The following AHCYL2 variants were observed in gnomAD, a reference collection of about 807,000 sequenced individuals.
The protein encoded by AHCYL2 is S-adenosylhomocysteine hydrolase-like protein 2.
Under a neutral mutation model 81.4 loss-of-function variants are expected in AHCYL2, and 28 were observed. That is an observed-to-expected ratio of 0.34 (90% CI 0.25 to 0.47). AHCYL2 has a LOEUF of 0.47. Ranked by LOEUF, AHCYL2 falls within the 20% of genes least tolerant of loss-of-function variation. The probability of loss-of-function intolerance (pLI) is 1.00; values close to 1 mark genes in which losing one functional copy is unlikely to be tolerated. For synonymous variants in AHCYL2, 272 were observed against 290.2 expected, an observed-to-expected ratio of 0.94 and a Z score of 0.64; for missense variants, 551 against 785.1, an observed-to-expected ratio of 0.70 and a Z score of 3.56.
chr7:129,227,013 T>G (rs941888965), intron 1 of AHCYL2, among the ~76,000 whole-genome samples: 1 of 152,236 alleles, frequency 6.6e-6, no homozygotes, highest in Non-Finnish European at 1.5e-5. Context: ...TTTAACAAAT[T>G]GCTTTTAGAG....
At chr7:129,296,371 A>G (rs909787719) in intron 1 of AHCYL2, among the ~76,000 whole-genome samples, 1 of 152,202 alleles carries the variant, frequency 6.6e-6, no homozygotes, top group African/African-American at 2.4e-5. Context: ...CAGGGGAAGA[A>G]AGACAAAATT....
In AHCYL2 at chr7:129,406,476, T is replaced by A. The variant is rs1409031692; in HGVS notation, c.1295+10T>A. The A allele has an allele frequency of 6.2e-7, 1 of 1,612,924 alleles. No homozygotes were observed. Among genetic ancestry groups the A allele is most frequent in the South Asian group, 1.1e-5 (1 of 91,022 alleles). Reference sequence around the variant, plus strand: ...GTGCCCTGCAAGCCTGGTAAGCCTCTACGCTACCATCTCACTTGCAATCTC... The same window carrying A: ...GTGCCCTGCAAGCCTGGTAAGCCTCAACGCTACCATCTCACTTGCAATCTC... On this transcript the variant is annotated intron_variant, in intron 10 of 16. Transcript: ENST00000325006. The surrounding 1 kb of genome is among the most constrained non-coding windows in gnomAD (Gnocchi z 4.3).
chr7:129,353,327 T>C (rs1439992400), intron 1 of AHCYL2, among the ~76,000 whole-genome samples: 1 of 152,196 alleles, frequency 6.6e-6, no homozygotes, highest in Non-Finnish European at 1.5e-5. Context: ...GTAATCTTTC[T>C]ATTCCTTAAA....
At chr7:129,364,682 T>G (rs1003219882) in intron 1 of AHCYL2, among the ~76,000 whole-genome samples, 2 of 152,208 alleles carry the variant, frequency 1.3e-5, no homozygotes, top group African/African-American at 4.8e-5. Context: ...ACTGAAATAT[T>G]CTAACGGTTG....
intron 5 of AHCYL2, among the ~76,000 whole-genome samples, chr7:129,398,223 C>T (rs912527069): frequency 2.0e-5 from 3 of 151,118 alleles, no homozygotes; most frequent in Non-Finnish European, 4.4e-5. Context: ...GTTGCTCAGG[C>T]TGGTCTCAAA....
chr7:129,356,480 A>G (rs947762906), intron 1 of AHCYL2, among the ~76,000 whole-genome samples: 2 of 152,136 alleles, frequency 1.3e-5, no homozygotes. Flanking sequence ...GGGAACCTCT[A>G]GATGTTAATT....
intron 1 of AHCYL2, among the ~76,000 whole-genome samples, chr7:129,328,641 C>A (rs528940513): frequency 6.6e-6 from 1 of 152,150 alleles, no homozygotes; most frequent in African/African-American, 2.4e-5. Context: ...TGTGCCACTA[C>A]CACCCAACTA....
At chr7:129,322,160 TTTGTTTGTTTGC>T (rs1485188135) in intron 1 of AHCYL2, among the ~76,000 whole-genome samples, 7 of 151,710 alleles carry the variant, frequency 4.6e-5, no homozygotes, top group African/African-American at 1.7e-4. Flanking sequence ...TGTTTGTTTG[TTTGTTTGTTTGC>T]CCTGTTACCC....
intron 12 of AHCYL2, among the ~76,000 whole-genome samples, chr7:129,420,672 G>T (rs1301001586): frequency 6.6e-6 from 1 of 150,552 alleles, no homozygotes; most frequent in Non-Finnish European, 1.5e-5. Flanking sequence ...TTTTTGTAGA[G>T]ACAAGGTCTC....
rs912334623 is a variant in AHCYL2 at position 129,384,138 on chromosome 7, A to G, written c.475+4389A>G. ...TTTGTCAATTAAAAATTAATTCATT[A>G]AAAGTAAATATGATACAGAACTCCA... On this transcript the variant is annotated intron_variant, in intron 2 of 16. Transcript: ENST00000325006. 3.3e-5 allele frequency among the ~76,000 whole-genome samples: 5 copies of G among 152,020 alleles called. No homozygotes were observed. The East Asian group carries it at 7.7e-4, about 23-fold the overall frequency.
At chr7:129,288,307 G>A (rs191711713) in intron 1 of AHCYL2, among the ~76,000 whole-genome samples, 257 of 151,892 alleles carry the variant, frequency 1.7e-3, no homozygotes, top group Non-Finnish European at 2.3e-3. Flanking sequence ...GTCTTTTAAC[G>A]TGTTCCTTTG....
At chr7:129,344,412 A>G (rs1217259569) in intron 1 of AHCYL2, among the ~76,000 whole-genome samples, 1 of 152,218 alleles carries the variant, frequency 6.6e-6, no homozygotes, top group Non-Finnish European at 1.5e-5. Flanking sequence ...ATTCAGCAGT[A>G]AAAAAGAATG....
Position 129,389,673 on chromosome 7 carries a change from G to A in AHCYL2, c.659G>A (p.Gly220Glu). 6.2e-7 allele frequency: 1 copy of A among 1,613,834 alleles called. No individual in the cohort carries two copies. The change falls in exon 4 of 17, where the codon GGA becomes GAA. Residue 220 changes from glycine to glutamate, a missense_variant. Gly to Glu is a moderately conservative substitution (Grantham distance 98). Coordinates refer to ENST00000325006, the MANE Select transcript of AHCYL2 (RefSeq NM_015328.4). The stretch of plus-strand genomic sequence containing the variant: ...ATGGCTTTGAGGAAGAGAGCTCAAG[G>A]AGAAAAGCCTTTGGCTGGAGCCAAA... ...ALMALRKRAQ[G>E]EKPLAGAKIV...
chr7:129,355,528 C>G (rs935379853), intron 1 of AHCYL2, among the ~76,000 whole-genome samples: 6 of 152,154 alleles, frequency 3.9e-5, no homozygotes, highest in African/African-American at 1.2e-4. Context: ...TCACTGTTGG[C>G]AAATTTAGTG....
chr7:129,241,367 G>T (rs1794846078), intron 1 of AHCYL2, among the ~76,000 whole-genome samples: 1 of 152,124 alleles, frequency 6.6e-6, no homozygotes, highest in Non-Finnish European at 1.5e-5. Flanking sequence ...GAGGCAGGTG[G>T]ATCACCTGAG....
Position 129,225,181 on chromosome 7 carries a change from G to C in AHCYL2, c.105G>C (p.Thr35=). Residue 35 remains threonine (T), a synonymous_variant, in exon 1 of 17, where the codon ACG becomes ACC. Transcript: ENST00000325006. ...CGGAGTCGCAACTAGGACTGAGCAC[G>C]GCCGCCGTGGGCGCCATGGCCCCCC... ...SEAESQLGLS[T]AAVGAMAPPA... 2 of 1,574,422 alleles carry C rather than the reference G, an allele frequency of 1.3e-6. No homozygotes were observed. The highest frequency in any genetic ancestry group is 1.7e-6 in the Non-Finnish European group (2 of 1,165,230).
intron 11 of AHCYL2, among the ~76,000 whole-genome samples, chr7:129,411,507 C>A (rs1234182195): frequency 1.3e-5 from 2 of 152,068 alleles, no homozygotes; most frequent in Admixed American, 1.3e-4. Flanking sequence ...CGCCTGTAAT[C>A]CCAGCACTTC....
chr7:129,304,156 A>G (rs778985874), intron 1 of AHCYL2, among the ~76,000 whole-genome samples: 1 of 152,228 alleles, frequency 6.6e-6, no homozygotes, highest in Non-Finnish European at 1.5e-5. Flanking sequence ...TGTTTCCATT[A>G]TCATTTGTTT....
chr7:129,261,808 G>A (rs1303167775), intron 1 of AHCYL2, among the ~76,000 whole-genome samples: 1 of 151,854 alleles, frequency 6.6e-6, no homozygotes, highest in East Asian at 1.9e-4. Flanking sequence ...TAATTTATCT[G>A]GTTCTAGATA....
Sources: gnomAD v4.1 joint callset for allele counts (sites outside exome capture counted in the v4.1 genomes callset) on GRCh38, gnomAD v4.1.1 for gene constraint, Gnocchi (gnomAD v3.1) non-coding constraint, MANE v1.5 for transcripts, NCBI Gene and HGNC (gene_info 2026-07-23, HGNC 2026-07-21) for gene names.